PI4K2A: variants seen among roughly 807,000 people sequenced by gnomAD.
The protein encoded by PI4K2A is phosphatidylinositol 4-kinase type 2-alpha.
PI4K2A carries 20 observed loss-of-function variants against 55.0 expected under a neutral mutation model. That is an observed-to-expected ratio of 0.36 (90% confidence interval 0.26 to 0.53). The LOEUF (loss-of-function observed/expected upper bound fraction) is 0.53, where lower values mean the gene tolerates loss of function less well. Ranked by LOEUF, PI4K2A falls within the 20% of genes least tolerant of loss-of-function variation. The probability of loss-of-function intolerance (pLI) is 0.91; values close to 1 mark genes in which losing one functional copy is unlikely to be tolerated. For synonymous variants in PI4K2A, 235 were observed against 258.5 expected (o/e 0.91, Z 0.87); for missense variants, 463 against 637.1 (o/e 0.73, Z 2.94).
At chr10:97,670,519 T>C (rs1180949020) in intron 8 of PI4K2A, among the ~76,000 whole-genome samples, 1 of 152,210 alleles carries the variant, frequency 6.6e-6, no homozygotes, top group Non-Finnish European at 1.5e-5. Flanking sequence ...CTTTTGAAAA[T>C]AAGTAGTAGA....
exon 1 of PI4K2A, chr10:97,640,817 C>T: frequency 6.8e-7 from 1 of 1,460,740 alleles, no homozygotes; most frequent in Non-Finnish European, 9.1e-7. Context: ...CGGGCTCGGG[C>T]GCTCACTTTC....
In PI4K2A at chr10:97,656,440, C is replaced by G; in HGVS notation, c.768+24C>G. ...AGGTATAGACGCACCTCTGGCTTAT[C>G]AAGGGTCATGATTTATAGTGACATA... is the stretch of plus-strand genomic sequence containing the variant. On this transcript the variant is annotated intron_variant, in intron 3 of 8. Transcript: ENST00000370631. The surrounding 1 kb of genome is among the most constrained non-coding windows in gnomAD (Gnocchi z 4.5). The G allele has an allele frequency of 6.2e-7, 1 of 1,610,344 alleles. No homozygotes were observed. The highest frequency in any genetic ancestry group is 8.5e-7 in the Non-Finnish European group (1 of 1,177,322).
intron 4 of PI4K2A, among the ~76,000 whole-genome samples, chr10:97,657,984 C>T (rs1225084262): frequency 1.3e-5 from 2 of 152,028 alleles, no homozygotes; most frequent in East Asian, 1.9e-4. Flanking sequence ...TACAGACACC[C>T]GCCATCATGC....
exon 1 of PI4K2A, chr10:97,640,805 G>A: frequency 2.0e-6 from 3 of 1,483,742 alleles, no homozygotes; most frequent in Non-Finnish European, 1.8e-6. Flanking sequence ...ACACCTTCCC[G>A]TCGGGCTCGG....
chr10:97,654,375 A>G (rs2041542738), intron 2 of PI4K2A, among the ~76,000 whole-genome samples: 1 of 152,158 alleles, frequency 6.6e-6, no homozygotes, highest in Non-Finnish European at 1.5e-5. Context: ...AGTGCCTACT[A>G]CAGTACCATG....
chr10:97,666,790 C>G (rs987226879), intron 7 of PI4K2A, among the ~76,000 whole-genome samples: 38 of 152,122 alleles, frequency 2.5e-4, no homozygotes, highest in Admixed American at 2.0e-4. Flanking sequence ...ATGTGTCTCT[C>G]CTGTCCATCA....
intron 1 of PI4K2A, among the ~76,000 whole-genome samples, chr10:97,645,848 A>C (rs1189025206): frequency 6.6e-6 from 1 of 151,570 alleles, no homozygotes; most frequent in Non-Finnish European, 1.5e-5. Flanking sequence ...CTGTGCCTGG[A>C]TGGTTTTATA....
intron 4 of PI4K2A, among the ~76,000 whole-genome samples, chr10:97,662,285 G>A (rs1178642368): frequency 6.6e-6 from 1 of 152,010 alleles, no homozygotes; most frequent in African/African-American, 2.4e-5. Context: ...TTTTATTCCT[G>A]TCATCTTGTT....
At chr10:97,673,716 C>T (rs1310649524) in exon 9 of PI4K2A, 6 of 1,614,108 alleles carry the variant, frequency 3.7e-6, no homozygotes, top group Non-Finnish European at 4.2e-6. Flanking sequence ...CTTTCAGAGC[C>T]GGAAGCCCTT....
chr10:97,647,969 C>T (rs541372934), intron 1 of PI4K2A, among the ~76,000 whole-genome samples: 3 of 151,630 alleles, frequency 2.0e-5, no homozygotes, highest in African/African-American at 7.3e-5. Context: ...GGGTCTTGCT[C>T]TGTCACCCAG....
intron 1 of PI4K2A, among the ~76,000 whole-genome samples, chr10:97,646,855 A>G (rs1025655328): frequency 1.3e-5 from 2 of 151,858 alleles, no homozygotes; most frequent in Non-Finnish European, 2.9e-5. Context: ...GCTCACTGCA[A>G]CTTCCACCTC....
At chr10:97,675,657 C>T (rs2041660713) in exon 9 of PI4K2A, 1 of 152,292 alleles carries the variant, frequency 6.6e-6, no homozygotes, top group Non-Finnish European at 1.5e-5. Flanking sequence ...CCACAGCCTC[C>T]ACACCAGATC....
intron 1 of PI4K2A, 108 bp downstream of exon 1, chr10:97,641,285 C>T (rs767826807): frequency 7.8e-6 from 6 of 768,024 alleles, no homozygotes; most frequent in Non-Finnish European, 1.2e-5. Context: ...TTCACAGTAC[C>T]AGCCCCTGGC....
chr10:97,662,491 G>A (rs2041589694), intron 4 of PI4K2A, among the ~76,000 whole-genome samples: 1 of 152,134 alleles, frequency 6.6e-6, no homozygotes, highest in Admixed American at 6.5e-5. Flanking sequence ...AAGGTGTAGT[G>A]CTTCAGGTCG....
chr10:97,651,559 T>C (rs2041530204), intron 2 of PI4K2A, among the ~76,000 whole-genome samples: 1 of 152,188 alleles, frequency 6.6e-6, no homozygotes, highest in Non-Finnish European at 1.5e-5. Context: ...AGGAAGACTT[T>C]AGGACAGGCT....
At chr10:97,658,759 T>C (rs2041567455) in intron 4 of PI4K2A, among the ~76,000 whole-genome samples, 1 of 152,238 alleles carries the variant, frequency 6.6e-6, no homozygotes, top group Admixed American at 6.5e-5. Flanking sequence ...TCTGTTGTTT[T>C]GATAGTAACC....
chr10:97,672,724 TC>T lies in PI4K2A; in HGVS notation c.1279-856del, dbSNP rs368253447. Among the ~76,000 whole-genome samples, 8 of 138,638 alleles carry T rather than the reference TC, an allele frequency of 5.8e-5. 1 individual carries two copies. Among genetic ancestry groups the T allele is most frequent in the South Asian group, 4.9e-4 (2 of 4,122 alleles). The allele number at this position is 138,638 out of a possible 152,430, so 91.0% of individuals were successfully genotyped here. ...GGAATTGCCGAGTCAGAGGGTCTGT[TC>T]TTTTTTTTTTTTTTTTTTTTTTTTG... On this transcript the variant is annotated intron_variant, in intron 8 of 8. Transcript: ENST00000370631.
chr10:97,652,864 T>G (rs181019694), intron 2 of PI4K2A, among the ~76,000 whole-genome samples: 219 of 152,324 alleles, frequency 1.4e-3, no homozygotes, highest in African/African-American at 5.0e-3. Flanking sequence ...AAGTACCAGC[T>G]GAGTCAGTAA....
intron 2 of PI4K2A, among the ~76,000 whole-genome samples, chr10:97,652,932 GA>G (rs750126149): frequency 2.6e-4 from 39 of 152,308 alleles, no homozygotes; most frequent in Admixed American, 1.7e-3. Flanking sequence ...GGTCTAGCGA[GA>G]AAATGTTTGA....
Sources: allele counts gnomAD v4.1 joint callset (sites outside exome capture counted in the v4.1 genomes callset), GRCh38; gene constraint gnomAD v4.1.1; non-coding constraint Gnocchi (gnomAD v3.1); transcripts MANE v1.5; gene names NCBI Gene and HGNC (gene_info 2026-07-23, HGNC 2026-07-21).